RAB3C: variants seen among roughly 807,000 people sequenced by gnomAD.
The protein encoded by RAB3C is ras-related protein Rab-3C.
In RAB3C, 17 loss-of-function variants were observed where a neutral mutation model predicts 26.4. The observed-to-expected ratio is 0.64, with a 90% confidence interval of 0.44 to 0.97. The LOEUF (loss-of-function observed/expected upper bound fraction) is 0.97. Ranked by LOEUF, RAB3C falls within the 50% of genes least tolerant of loss-of-function variation. The pLI is 0.00. For missense variants in RAB3C, 242 were observed against 281.9 expected (o/e 0.86, Z 1.01); for synonymous variants, 91 against 95.9 (o/e 0.95, Z 0.30).
chr5:58,625,302 GT>G (rs1747028780), intron 2 of RAB3C, among the ~76,000 whole-genome samples: 1 of 152,152 alleles, frequency 6.6e-6, no homozygotes, highest in African/African-American at 2.4e-5. Flanking sequence ...GACTCAGAGA[GT>G]TTAAATAATT....
At chr5:58,820,413 G>T (rs1743311962) in intron 3 of RAB3C, among the ~76,000 whole-genome samples, 1 of 152,050 alleles carries the variant, frequency 6.6e-6, no homozygotes, top group South Asian at 2.1e-4. Flanking sequence ...GCTGATGGTG[G>T]GACTGTGCCT....
intron 3 of RAB3C, among the ~76,000 whole-genome samples, chr5:58,803,620 G>T (rs2548249): frequency 0.49 from 74,481 of 151,990 alleles, 18,623 homozygotes; most frequent in Middle Eastern, 0.68. Flanking sequence ...CATATCTGCT[G>T]CACAGCTTGA....
At chr5:58,672,582 A>T (rs1327601481) in intron 2 of RAB3C, among the ~76,000 whole-genome samples, 3 of 152,096 alleles carry the variant, frequency 2.0e-5, no homozygotes, top group African/African-American at 7.2e-5. Flanking sequence ...ATTCTAATTC[A>T]TGCCTCTTAT....
chr5:58,589,018 CAAGTGTGAA>C lies in RAB3C; in HGVS notation c.24+5788_24+5796del, dbSNP rs1561257138. 3.9e-5 allele frequency among the ~76,000 whole-genome samples: 6 copies of C among 152,122 alleles called. No homozygotes were observed. The Middle Eastern group carries it at 0.01, about 260-fold the overall frequency. ...GGGAAGACCTTCCGTTTTTTATCAT[CAAGTGTGAA>C]ATTAGCTGTAGGGTTTTGTTACTAT... On this transcript the variant is annotated intron_variant, in intron 1 of 4. Coordinates refer to ENST00000282878, the MANE Select transcript of RAB3C (RefSeq NM_138453.4).
intron 3 of RAB3C, among the ~76,000 whole-genome samples, chr5:58,777,515 C>T (rs1345639): frequency 0.79 from 120,259 of 151,876 alleles, 47,826 homozygotes; most frequent in African/African-American, 0.85. Context: ...ACTATAACAT[C>T]TTGGCACATT....
intron 3 of RAB3C, among the ~76,000 whole-genome samples, chr5:58,797,969 T>C (rs1399586137): frequency 6.6e-6 from 1 of 152,210 alleles, no homozygotes; most frequent in African/African-American, 2.4e-5. Flanking sequence ...AGTCCAGGCA[T>C]GTGTCAAGAG....
At chr5:58,732,320 T>C (rs1741043758) in intron 3 of RAB3C, among the ~76,000 whole-genome samples, 1 of 151,824 alleles carries the variant, frequency 6.6e-6, no homozygotes, top group African/African-American at 2.4e-5. Context: ...TTAAACATGA[T>C]ATATTATATA....
intron 3 of RAB3C, among the ~76,000 whole-genome samples, chr5:58,800,343 T>G (rs1742776180): frequency 6.6e-6 from 1 of 152,242 alleles, no homozygotes; most frequent in South Asian, 2.1e-4. Context: ...GAAAGTGATT[T>G]AGGCAGGCAG....
At chr5:58,704,744 CT>C (rs1334849280) in intron 2 of RAB3C, among the ~76,000 whole-genome samples, 1 of 151,988 alleles carries the variant, frequency 6.6e-6, no homozygotes, top group African/African-American at 2.4e-5. Context: ...GGGGTGCTAG[CT>C]TTTTCTTTCT....
At chr5:58,678,581 A>G (rs1748277928) in intron 2 of RAB3C, among the ~76,000 whole-genome samples, 1 of 152,220 alleles carries the variant, frequency 6.6e-6, no homozygotes, top group African/African-American at 2.4e-5. Context: ...TCTTCCCTGC[A>G]TGTTTCAGAG....
chr5:58,839,544 A>C (rs981251584), intron 4 of RAB3C, among the ~76,000 whole-genome samples: 2 of 151,728 alleles, frequency 1.3e-5, no homozygotes, highest in Non-Finnish European at 2.9e-5. Context: ...CTAATTTTGT[A>C]TTTTTAGTAG....
chr5:58,815,739 A>T (rs945795029), intron 3 of RAB3C: 2 of 152,258 alleles, frequency 1.3e-5, no homozygotes, highest in East Asian at 1.9e-4. Flanking sequence ...AGTACCTTCT[A>T]TGTGCCATAT....
Position 58,681,059 on chromosome 5 carries a change from G to C in RAB3C, c.253-44943G>C, listed in dbSNP as rs558613791. ...TTGTGGGAAAATGGGTCCATCAATA[G>C]AGAACTGATTATGTTCATGAAGAAA... is the stretch of plus-strand genomic sequence containing the variant. On this transcript the variant is annotated intron_variant, in intron 2 of 4. Coordinates refer to ENST00000282878, the MANE Select transcript of RAB3C (RefSeq NM_138453.4). Among the ~76,000 whole-genome samples the C allele has an allele frequency of 2.0e-4, 31 of 152,088 alleles. No individual in the cohort carries two copies. The South Asian group carries it at 5.2e-3, about 25-fold the overall frequency.
chr5:58,737,050 C>A (rs1367292226), intron 3 of RAB3C, among the ~76,000 whole-genome samples: 1 of 152,048 alleles, frequency 6.6e-6, no homozygotes, highest in African/African-American at 2.4e-5. Context: ...GCCTACCAGA[C>A]CCCGTACAAT....
chr5:58,642,111 C>T (rs1747424445), intron 2 of RAB3C, among the ~76,000 whole-genome samples: 1 of 152,228 alleles, frequency 6.6e-6, no homozygotes, highest in Non-Finnish European at 1.5e-5. Flanking sequence ...TTTCTATTAT[C>T]AAGCCATGCC....
chr5:58,684,393 T>C (rs1748404392), intron 2 of RAB3C, among the ~76,000 whole-genome samples: 1 of 152,204 alleles, frequency 6.6e-6, no homozygotes. Flanking sequence ...ACAGAAGCAG[T>C]CTTTATCACT....
intron 4 of RAB3C, among the ~76,000 whole-genome samples, chr5:58,833,390 T>C (rs1743665260): frequency 6.7e-6 from 1 of 149,972 alleles, no homozygotes. Context: ...TATCTGAAGC[T>C]GAGGTACAAA....
At chr5:58,737,448 T>TAA (rs779185979) in intron 3 of RAB3C, among the ~76,000 whole-genome samples, 480 of 31,248 alleles carry the variant, frequency 0.015, 77 homozygotes, top group Non-Finnish European at 0.022. Context: ...TATATATATA[T>TAA]AATTTACTTG....
At position 58,752,147 on chromosome 5, in the gene RAB3C, A is replaced by G. The variant is rs549667621; in HGVS notation, c.371+26027A>G. On this transcript the variant is annotated intron_variant, in intron 3 of 4. Coordinates refer to ENST00000282878, the MANE Select transcript of RAB3C (RefSeq NM_138453.4). The stretch of plus-strand genomic sequence containing the variant: ...CATACTGAAATCACTTCTTGAAACT[A>G]TTTAGTAATTTTCAATTTCCTGAAC... Among the ~76,000 whole-genome samples, 9 of 152,330 alleles carry G rather than the reference A, an allele frequency of 5.9e-5. No individual in the cohort carries two copies. In the East Asian group the frequency reaches 1.5e-3, roughly 26 times the overall value.
Sources: allele counts gnomAD v4.1 joint callset (sites outside exome capture counted in the v4.1 genomes callset), GRCh38; gene constraint gnomAD v4.1.1; transcripts MANE v1.5; gene names NCBI Gene and HGNC (gene_info 2026-07-23, HGNC 2026-07-21).